Variants in RYR2 observed in about 807,000 individuals in gnomAD.
The protein encoded by RYR2 is cardiac muscle ryanodine receptor-calcium release channel.
RYR2 carries 227 observed loss-of-function variants against 601.1 expected under a neutral mutation model. The observed-to-expected ratio is 0.38, with a 90% CI of 0.34 to 0.42. The LOEUF is 0.42. Ranked by LOEUF, RYR2 falls within the 10% of genes least tolerant of loss-of-function variation. The pLI, the probability that RYR2 is intolerant of heterozygous loss-of-function variation, is 1.00. For synonymous variants in RYR2, 2,223 were observed against 2,175.1 expected, an observed-to-expected ratio of 1.02 and a Z score of -0.61; for missense variants, 4,646 against 6,156.5, an observed-to-expected ratio of 0.75 and a Z score of 8.21.
At chr1:237,570,719 G>A (rs761660594) in intron 29 of RYR2, among the ~76,000 whole-genome samples, 4 of 152,110 alleles carry the variant, frequency 2.6e-5, no homozygotes, top group Admixed American at 2.6e-4. Context: ...AGGTGGTTAG[G>A]GATGCCCCTG....
In RYR2 at chr1:237,473,427, C is replaced by CTTTCTTTCTTTCTTTCTT. The variant is rs1553464621; in HGVS notation, c.1708+4241_1708+4242insTTCTTTCTTTCTTTCTTT. 4.0e-4 allele frequency among the ~76,000 whole-genome samples: 41 copies of CTTTCTTTCTTTCTTTCTT among 102,540 alleles called. 1 individual carries two copies. The highest frequency in any genetic ancestry group is 1.0e-3 in the African/African-American group (19 of 18,358). 67.3% of individuals were successfully genotyped at this position (102,540 alleles called of 152,430 possible). On this transcript the variant is annotated intron_variant, in intron 17 of 104. Transcript: ENST00000366574. The stretch of plus-strand genomic sequence containing the variant: ...CGACAGAACGAGACTCCATCTCTCT[C>CTTTCTTTCTTTCTTTCTT]TCTCTCTTTCTTTCTTTCTTTCTTT...
intron 61 of RYR2, among the ~76,000 whole-genome samples, chr1:237,679,841 G>T (rs934480591): frequency 1.3e-5 from 2 of 152,142 alleles, no homozygotes; most frequent in Non-Finnish European, 1.5e-5. Context: ...GGAAGAGCAC[G>T]CCAGACAGAG....
rs559881500 is a variant in RYR2, at chr1:237,806,307, C to T, written c.14298+24C>T. ...AGGTAAACAGTTTATCTTTTTCCTC[C>T]CTTGCAGAAAATAAAAAAGCAACAA... On this transcript the variant is annotated intron_variant, in intron 99 of 104. Transcript: ENST00000366574. The T allele has an allele frequency of 3.7e-5, 59 of 1,582,468 alleles. No individual in the cohort carries two copies. The African/African-American group carries it at 5.3e-4, about 14-fold the overall frequency.
At chr1:237,755,124 G>C (rs1296309450) in intron 80 of RYR2, 2 of 1,283,516 alleles carry the variant, frequency 1.6e-6, no homozygotes, top group Non-Finnish European at 2.0e-6. Context: ...TCTGGTAACA[G>C]CATAAATGTC....
chr1:237,237,908 T>TTCCTTTCC (rs1553357440), intron 1 of RYR2, among the ~76,000 whole-genome samples: 1 of 84,276 alleles, frequency 1.2e-5, no homozygotes, highest in Non-Finnish European at 2.9e-5. Context: ...CTTTCCTTTT[T>TTCCTTTCC]CCTTTCCTTT....
At chr1:237,764,932 A>G (rs1363423173) in intron 84 of RYR2, among the ~76,000 whole-genome samples, 1 of 151,972 alleles carries the variant, frequency 6.6e-6, no homozygotes, top group Non-Finnish European at 1.5e-5. Flanking sequence ...TTTCAGATGA[A>G]TTATTTATAC....
At chr1:237,085,312 A>C (rs914040540) in intron 1 of RYR2, among the ~76,000 whole-genome samples, 3 of 152,226 alleles carry the variant, frequency 2.0e-5, no homozygotes, top group African/African-American at 7.2e-5. Context: ...AAAAGGAGTC[A>C]AGTCTTTGGA....
intron 17 of RYR2, among the ~76,000 whole-genome samples, chr1:237,485,281 T>G (rs1226393342): frequency 6.6e-6 from 1 of 152,214 alleles, no homozygotes; most frequent in East Asian, 1.9e-4. Context: ...TTATTTTGTT[T>G]AAACAGAATG....
At chr1:237,114,939 G>T (rs1290075995) in intron 1 of RYR2, among the ~76,000 whole-genome samples, 2 of 152,128 alleles carry the variant, frequency 1.3e-5, no homozygotes, top group African/African-American at 4.8e-5. Context: ...ACTCAACTGG[G>T]GACTCGTTTG....
chr1:237,298,944 T>G (rs1235237881), intron 2 of RYR2, among the ~76,000 whole-genome samples: 2 of 152,106 alleles, frequency 1.3e-5, no homozygotes. Flanking sequence ...AAGTGAGCTA[T>G]GATCATGCTA....
chr1:237,159,069 G>A (rs1675712176), intron 1 of RYR2, among the ~76,000 whole-genome samples: 1 of 152,126 alleles, frequency 6.6e-6, no homozygotes, highest in East Asian at 1.9e-4. Context: ...GAGGCGGGCG[G>A]ATCACCTGAG....
At chr1:237,201,000 G>A (rs1681131569) in intron 1 of RYR2, among the ~76,000 whole-genome samples, 1 of 152,182 alleles carries the variant, frequency 6.6e-6, no homozygotes, top group Admixed American at 6.5e-5. Flanking sequence ...AATCAATGTA[G>A]GGTTCCCAAA....
intron 1 of RYR2, among the ~76,000 whole-genome samples, chr1:237,238,700 T>A (rs55924146): frequency 0.27 from 41,081 of 152,082 alleles, 6,476 homozygotes; most frequent in Admixed American, 0.38. Flanking sequence ...CTTCTTTTGA[T>A]CTGTGGCTAA....
At chr1:237,303,795 A>G (rs1464342728) in intron 2 of RYR2, among the ~76,000 whole-genome samples, 1 of 152,198 alleles carries the variant, frequency 6.6e-6, no homozygotes, top group Non-Finnish European at 1.5e-5. Flanking sequence ...TGATAACTCA[A>G]ATACATTTGG....
At chr1:237,413,762 T>C (rs1704669838) in intron 10 of RYR2, among the ~76,000 whole-genome samples, 1 of 152,120 alleles carries the variant, frequency 6.6e-6, no homozygotes. Context: ...CAGTATATCA[T>C]TGAGTTTCTT....
intron 27 of RYR2, among the ~76,000 whole-genome samples, chr1:237,565,483 G>A (rs917424703): frequency 1.1e-4 from 17 of 152,090 alleles, no homozygotes; most frequent in African/African-American, 3.6e-4. Flanking sequence ...GCCCGGGCGC[G>A]ATCCTCCCGC....
intron 24 of RYR2, among the ~76,000 whole-genome samples, chr1:237,528,002 A>G (rs1200176057): frequency 6.6e-6 from 1 of 152,158 alleles, no homozygotes; most frequent in African/African-American, 2.4e-5. Flanking sequence ...TTAGTCACTT[A>G]GCAACCATCT....
At chr1:237,555,241 C>T (rs190460602) in intron 27 of RYR2, 1 of 152,188 alleles carries the variant, frequency 6.6e-6, no homozygotes, top group East Asian at 1.9e-4. Flanking sequence ...TATAGTATTT[C>T]CAATAGTGTT....
intron 80 of RYR2, among the ~76,000 whole-genome samples, chr1:237,744,349 TAA>T (rs752916603): frequency 1.4e-5 from 2 of 141,018 alleles, no homozygotes. Flanking sequence ...TTTGTTTGTT[TAA>T]AAAAAAAAAA....
Sources: gnomAD v4.1 joint callset for allele counts (sites outside exome capture counted in the v4.1 genomes callset) on GRCh38, gnomAD v4.1.1 for gene constraint, MANE v1.5 for transcripts, NCBI Gene and HGNC (gene_info 2026-07-23, HGNC 2026-07-21) for gene names.